Variants in YWHAB observed in about 807,000 individuals in gnomAD.
YWHAB encodes tyrosine 3-monooxygenase/tryptophan 5-monooxygenase activation protein beta, also known as 14-3-3 protein beta/alpha.
In YWHAB, 2 loss-of-function variants were observed where a neutral mutation model predicts 28.5. The ratio of observed to expected loss-of-function variants is 0.07; its 90% CI spans 0.03 to 0.22. YWHAB has a LOEUF of 0.22. Ranked by LOEUF, YWHAB falls within the 10% of genes least tolerant of loss-of-function variation. YWHAB has a pLI of 1.00. For missense variants in YWHAB, 148 were observed against 297.1 expected (o/e 0.50, Z 3.69); for synonymous variants, 103 against 104.7 (o/e 0.98, Z 0.10).
intron 5 of YWHAB, 108 bp downstream of exon 5, chr20:44,906,204 T>C (rs1214480417): frequency 5.8e-6 from 7 of 1,197,842 alleles, no homozygotes; most frequent in Non-Finnish European, 8.4e-6. Flanking sequence ...GTTACAGTTT[T>C]AAGTTGTTAA....
intron 1 of YWHAB, among the ~76,000 whole-genome samples, chr20:44,888,293 T>G (rs990083241): frequency 6.6e-6 from 1 of 152,258 alleles, no homozygotes; most frequent in African/African-American, 2.4e-5. Context: ...TAGTCTATAA[T>G]AATAGTTACC....
At chr20:44,897,327 T>A (rs1005382001) in intron 1 of YWHAB, among the ~76,000 whole-genome samples, 1 of 152,234 alleles carries the variant, frequency 6.6e-6, no homozygotes, top group African/African-American at 2.4e-5. Flanking sequence ...GCCAGTACTT[T>A]ATGATTTGGA....
At chr20:44,902,079 C>T (rs2066630551) in intron 2 of YWHAB, 1 of 388,256 alleles carries the variant, frequency 2.6e-6, no homozygotes, top group African/African-American at 2.0e-5. Context: ...AAAACAGTGA[C>T]ATTTTTTCAG....
At chr20:44,905,928 T>G (rs2066653195) in intron 4 of YWHAB, 73 bp from the exon 5 acceptor site, 1 of 1,152,042 alleles carries the variant, frequency 8.7e-7, no homozygotes, top group African/African-American at 1.5e-5. Context: ...TATATTCACC[T>G]AGCGGGAAAA....
At position 44,887,075 on chromosome 20, in the gene YWHAB, G is replaced by C. The variant is rs1431216463; in HGVS notation, c.-4+1189G>C. ...GATGCAGTTTGTAGACCTGGACACT[G>C]CAGCTTTTGCATTTTCATTTGGAAA... On this transcript the variant is annotated intron_variant, in intron 1 of 5. Transcript: ENST00000353703. The C allele has an allele frequency of 2.0e-5, 3 of 152,198 alleles. No individual in the cohort carries two copies. The East Asian group carries it at 5.8e-4, about 29-fold the overall frequency. The allele number at this position is 152,198 out of a possible 1,614,324, so 9.4% of individuals were successfully genotyped here. A position where few individuals can be genotyped will look rare whatever the true frequency, so the allele number is the denominator to read the frequency against.
At chr20:44,899,887 T>C (rs1470764776) in intron 1 of YWHAB, among the ~76,000 whole-genome samples, 5 of 152,248 alleles carry the variant, frequency 3.3e-5, no homozygotes, top group South Asian at 2.1e-4. Flanking sequence ...CAAGTTATGT[T>C]GCTGTACATC....
chr20:44,890,655 C>T (rs879290233), intron 1 of YWHAB, among the ~76,000 whole-genome samples: 16 of 152,098 alleles, frequency 1.1e-4, no homozygotes, highest in Non-Finnish European at 1.5e-4. Flanking sequence ...GGATTACAGG[C>T]GCCTGCCACT....
At chr20:44,901,119 G>A (rs1194460378) in intron 1 of YWHAB, among the ~76,000 whole-genome samples, 1 of 152,188 alleles carries the variant, frequency 6.6e-6, no homozygotes, top group East Asian at 1.9e-4. Flanking sequence ...CAGTCTGTAT[G>A]TGCCAGGCAG....
chr20:44,897,863 T>G (rs1290928422), intron 1 of YWHAB, among the ~76,000 whole-genome samples: 1 of 152,236 alleles, frequency 6.6e-6, no homozygotes, highest in African/African-American at 2.4e-5. Context: ...AAAAGTTTCT[T>G]TTGTTTTCAC....
intron 1 of YWHAB, among the ~76,000 whole-genome samples, chr20:44,898,626 G>C (rs562377584): frequency 1.3e-5 from 2 of 151,936 alleles, no homozygotes; most frequent in Admixed American, 6.6e-5. Context: ...CTCTTGCTCA[G>C]CCTCCCCAGT....
intron 1 of YWHAB, among the ~76,000 whole-genome samples, chr20:44,889,127 G>T (rs922278197): frequency 6.6e-6 from 1 of 152,072 alleles, no homozygotes; most frequent in Non-Finnish European, 1.5e-5. Context: ...CTAGTTAAGG[G>T]GCAAGAAATT....
intron 1 of YWHAB, chr20:44,887,628 C>A (rs190826896): frequency 2.6e-5 from 4 of 152,264 alleles, no homozygotes; most frequent in Non-Finnish European, 4.4e-5. Context: ...GAGCAAATTC[C>A]CATGATGCTG....
At chr20:44,894,084 A>G (rs16989474) in intron 1 of YWHAB, among the ~76,000 whole-genome samples, 50,406 of 152,068 alleles carry the variant, frequency 0.33, 9,360 homozygotes, top group African/African-American at 0.49. Context: ...GCGTTTATCA[A>G]CAAATGCTTC....
intron 4 of YWHAB, chr20:44,905,463 T>TA: frequency 5.0e-6 from 1 of 202,004 alleles, no homozygotes; most frequent in South Asian, 1.5e-4. Context: ...ATAAAAGAAA[T>TA]ACACAGCACA....
chr20:44,902,112 G>C, intron 2 of YWHAB: 1 of 317,384 alleles, frequency 3.2e-6, no homozygotes, highest in Middle Eastern at 9.5e-4. Flanking sequence ...TTTTAAAATT[G>C]AGGCCAGATA....
At chr20:44,893,517 G>A (rs180996180) in intron 1 of YWHAB, among the ~76,000 whole-genome samples, 2 of 152,144 alleles carry the variant, frequency 1.3e-5, no homozygotes, top group Admixed American at 1.3e-4. Context: ...TAACCATTTG[G>A]TGTAACCTTT....
intron 1 of YWHAB, among the ~76,000 whole-genome samples, chr20:44,899,403 C>T (rs774266164): frequency 6.6e-6 from 1 of 152,102 alleles, no homozygotes; most frequent in Non-Finnish European, 1.5e-5. Flanking sequence ...TCACTTGAAC[C>T]CTGGAGGTGG....
At chr20:44,897,951 A>T (rs549013422) in intron 1 of YWHAB, among the ~76,000 whole-genome samples, 3 of 152,164 alleles carry the variant, frequency 2.0e-5, no homozygotes, top group African/African-American at 7.2e-5. Flanking sequence ...AAAACTCTAC[A>T]GTTGCATGAC....
At chr20:44,891,688 A>G (rs1387767484) in intron 1 of YWHAB, among the ~76,000 whole-genome samples, 1 of 152,216 alleles carries the variant, frequency 6.6e-6, no homozygotes, top group Non-Finnish European at 1.5e-5. Context: ...ACCCTCAGTA[A>G]GTTTAATCAT....
Sources: allele counts gnomAD v4.1 joint callset (sites outside exome capture counted in the v4.1 genomes callset), GRCh38; gene constraint gnomAD v4.1.1; transcripts MANE v1.5; gene names NCBI Gene and HGNC (gene_info 2026-07-23, HGNC 2026-07-21).